Variants in PCDHA2 observed in about 807,000 individuals in gnomAD.
The protein encoded by PCDHA2 is protocadherin alpha-2.
A neutral mutation model predicts 66.0 loss-of-function variants in PCDHA2; 58 were observed. The observed-to-expected ratio is 0.88, with a 90% CI of 0.71 to 1.09. The LOEUF is 1.09. Ranked by LOEUF, PCDHA2 falls within the 50% of genes least tolerant of loss-of-function variation. PCDHA2 has a pLI of 0.00. For synonymous variants in PCDHA2, 634 were observed against 554.0 expected (o/e 1.14, Z -2.03); for missense variants, 1,267 against 1,242.3 (o/e 1.02, Z -0.30).
At chr5:140,926,973 G>A in intron 1 of PCDHA2, 3 of 1,609,762 alleles carry the variant, frequency 1.9e-6, no homozygotes, top group African/African-American at 1.3e-5. Context: ...ACTCAGTGCC[G>A]GAGGAGACGG....
intron 1 of PCDHA2, chr5:140,859,596 AT>A (rs1554152518): frequency 6.1e-6 from 1 of 164,060 alleles, no homozygotes; most frequent in Non-Finnish European, 1.3e-5. Flanking sequence ...GCTCTTAGCA[AT>A]TACTTTTTTC....
intron 1 of PCDHA2, chr5:140,927,454 G>A: frequency 6.2e-7 from 1 of 1,614,182 alleles, no homozygotes; most frequent in Non-Finnish European, 8.5e-7. Flanking sequence ...GTTGGTGTTG[G>A]AGAAAGCACT....
chr5:140,868,571 A>G (rs1326549440), intron 1 of PCDHA2: 1 of 152,948 alleles, frequency 6.5e-6, no homozygotes, highest in Non-Finnish European at 1.5e-5. Context: ...GAGGAACAAC[A>G]CTTTCAGGAA....
rs1203554709 is a variant in PCDHA2 at position 140,835,098 on chromosome 5, GC to G, written c.2388+37750del. On this transcript the variant is annotated intron_variant, in intron 1 of 3. Coordinates refer to ENST00000526136, the MANE Select transcript of PCDHA2 (RefSeq NM_018905.3). Reference sequence around the variant, plus strand: ...CACGGTACTGGACAACAATGACAATGCCCCAGTGTTCGACAGAACCCTGTAT... The same window carrying G: ...CACGGTACTGGACAACAATGACAATGCCCAGTGTTCGACAGAACCCTGTAT... 6.4e-6 allele frequency: 8 copies of G among 1,244,734 alleles called. No individual in the cohort carries two copies. In the East Asian group the frequency reaches 1.8e-4, roughly 28 times the overall value. 77.1% of individuals were successfully genotyped at this position (1,244,734 alleles called of 1,614,324 possible).
chr5:140,842,394 C>T (rs2150335201), intron 1 of PCDHA2: 6 of 1,611,212 alleles, frequency 3.7e-6, no homozygotes, highest in Admixed American at 3.3e-5. Flanking sequence ...TTATCCTTGC[C>T]TGTACGTGAA....
chr5:140,922,176 C>CA (rs3836750), intron 1 of PCDHA2, among the ~76,000 whole-genome samples: 11 of 150,702 alleles, frequency 7.3e-5, no homozygotes, highest in East Asian at 5.8e-4. Flanking sequence ...GTACAGCAGA[C>CA]AAAAAAAAAG....
chr5:140,809,011 G>T, intron 1 of PCDHA2: 1 of 1,613,732 alleles, frequency 6.2e-7, no homozygotes, highest in Non-Finnish European at 8.5e-7. Context: ...CGTGGCTTTC[G>T]TACGAGCTGC....
chr5:140,925,371 A>ATATT (rs1554202717), intron 1 of PCDHA2, among the ~76,000 whole-genome samples: 1 of 152,136 alleles, frequency 6.6e-6, no homozygotes, highest in Non-Finnish European at 1.5e-5. Context: ...CATAGTCAAT[A>ATATT]GTCAATGAGT....
chr5:140,903,163 G>T (rs2070058285), intron 1 of PCDHA2, among the ~76,000 whole-genome samples: 1 of 152,096 alleles, frequency 6.6e-6, no homozygotes, highest in Non-Finnish European at 1.5e-5. Flanking sequence ...GGTTGTGCTG[G>T]TTTACATTCC....
At chr5:140,858,411 CTAT>C (rs782056031) in intron 1 of PCDHA2, 1 of 1,564,168 alleles carries the variant, frequency 6.4e-7, no homozygotes. Flanking sequence ...GAAGATCAGT[CTAT>C]TGGAGGGGAC....
At chr5:140,955,190 A>G (rs1269758289) in intron 1 of PCDHA2, among the ~76,000 whole-genome samples, 2 of 152,050 alleles carry the variant, frequency 1.3e-5, no homozygotes, top group Admixed American at 6.6e-5. Flanking sequence ...TGTGGTGTAT[A>G]TGAAGTCAAT....
At chr5:140,851,161 T>C in intron 1 of PCDHA2, 1 of 1,297,820 alleles carries the variant, frequency 7.7e-7, no homozygotes, top group East Asian at 2.8e-5. Flanking sequence ...TCTGATGCTA[T>C]GCTGCCATAA....
chr5:140,875,981 A>G lies in PCDHA2; in HGVS notation c.2388+78629A>G, dbSNP rs200521027. 1.0e-3 allele frequency: 1,684 copies of G among 1,614,052 alleles called. 3 individuals are homozygous for G. Among genetic ancestry groups the G allele is most frequent in the Admixed American group, 1.5e-3 (93 of 60,032 alleles). ...ATCGGCGTAAACTCTCTTTTGACCT[A>G]TGCGTTAAGTCTAAATGAGAATTTT... On this transcript the variant is annotated intron_variant, in intron 1 of 3. Transcript: ENST00000526136.
intron 3 of PCDHA2, among the ~76,000 whole-genome samples, chr5:140,997,904 A>G (rs1446627520): frequency 6.6e-6 from 1 of 152,224 alleles, no homozygotes; most frequent in Non-Finnish European, 1.5e-5. Flanking sequence ...TTCAAGAAGT[A>G]GAATTACAGA....
chr5:140,869,506 C>G (rs782699561), intron 1 of PCDHA2: 20 of 1,614,178 alleles, frequency 1.2e-5, no homozygotes, highest in Admixed American at 6.7e-5. Context: ...GGTGTTCTCG[C>G]TCAGAGAACA....
In PCDHA2 at chr5:140,869,220, C is replaced by T. The variant is rs184355295; in HGVS notation, c.2388+71868C>T. 1,109 of 1,613,836 alleles carry T rather than the reference C, an allele frequency of 6.9e-4. 5 individuals are homozygous for T. The African/African-American group carries it at 0.013, about 19-fold the overall frequency. On this transcript the variant is annotated intron_variant, in intron 1 of 3. Coordinates refer to ENST00000526136, the MANE Select transcript of PCDHA2 (RefSeq NM_018905.3). ...TCCACTACTCCGTCTCGGAGGAGGC[C>T]AAACACGGCACCTTCGTGGGCCGCA...
At position 140,870,724 on chromosome 5, in the gene PCDHA2, G is replaced by T. The variant is rs140203389; in HGVS notation, c.2388+73372G>T. 8.1e-4 allele frequency: 1,312 copies of T among 1,613,160 alleles called. 10 individuals carry two copies. In the African/African-American group the frequency reaches 0.014, roughly 18 times the overall value. On this transcript the variant is annotated intron_variant, in intron 1 of 3. Coordinates refer to ENST00000526136, the MANE Select transcript of PCDHA2 (RefSeq NM_018905.3). ...CCAGGTGAGCGCGCGCGATGCGGGC[G>T]TGCCGCCTCTGAGCAGCAACGTGAC...
At chr5:140,994,561 C>T (rs967006511) in intron 3 of PCDHA2, among the ~76,000 whole-genome samples, 2 of 151,800 alleles carry the variant, frequency 1.3e-5, no homozygotes, top group East Asian at 1.9e-4. Context: ...AAAAATTAGC[C>T]GGGTGTGGTG....
chr5:140,804,963 C>T, intron 1 of PCDHA2: 3 of 1,439,376 alleles, frequency 2.1e-6, no homozygotes, highest in African/African-American at 1.4e-5. Context: ...GAAGTAGTAG[C>T]CATAGTGTGT....
Sources: gnomAD v4.1 joint callset for allele counts (sites outside exome capture counted in the v4.1 genomes callset) on GRCh38, gnomAD v4.1.1 for gene constraint, MANE v1.5 for transcripts, NCBI Gene and HGNC (gene_info 2026-07-23, HGNC 2026-07-21) for gene names.